Variants in PCDHA5 observed in about 807,000 individuals in gnomAD.
PCDHA5 encodes the protein protocadherin alpha-5.
Under a neutral mutation model 61.6 loss-of-function variants are expected in PCDHA5, and 43 were observed. The observed-to-expected ratio is 0.70, with a 90% CI of 0.55 to 0.90. The LOEUF (loss-of-function observed/expected upper bound fraction) is 0.90. Among genes scored for constraint, PCDHA5 ranks in the 40% least tolerant of loss-of-function variants. The pLI, the probability that PCDHA5 is intolerant of heterozygous loss-of-function variation, is 0.00. For synonymous variants in PCDHA5, 627 were observed against 543.9 expected, an observed-to-expected ratio of 1.15 and a Z score of -2.13; for missense variants, 1,298 against 1,222.7, an observed-to-expected ratio of 1.06 and a Z score of -0.92.
chr5:140,926,351 C>T (rs1301072681), intron 1 of PCDHA5: 2 of 152,276 alleles, frequency 1.3e-5, no homozygotes, highest in African/African-American at 4.8e-5. Flanking sequence ...CGACGCGCGG[C>T]TCCCAAAGGG....
intron 1 of PCDHA5, among the ~76,000 whole-genome samples, chr5:140,890,239 C>G (rs1398307605): frequency 6.6e-6 from 1 of 151,982 alleles, no homozygotes; most frequent in African/African-American, 2.4e-5. Context: ...AAGCATTTAC[C>G]AGTACACTAC....
At chr5:140,977,094 T>C (rs1291290436) in intron 1 of PCDHA5, among the ~76,000 whole-genome samples, 1 of 152,206 alleles carries the variant, frequency 6.6e-6, no homozygotes, top group Non-Finnish European at 1.5e-5. Context: ...AATGTGTCAT[T>C]GGGGAAGTGA....
intron 1 of PCDHA5, chr5:140,843,413 G>C: frequency 1.3e-6 from 2 of 1,596,100 alleles, no homozygotes; most frequent in South Asian, 1.1e-5. Context: ...GGATGTCAAC[G>C]TGTACCTGAT....
intron 1 of PCDHA5, chr5:140,967,079 A>T: frequency 1.2e-6 from 2 of 1,613,252 alleles, no homozygotes; most frequent in South Asian, 2.2e-5. Flanking sequence ...CAACGAGCGC[A>T]TTGATCGGGA....
chr5:140,825,831 AT>A (rs1768728016), intron 1 of PCDHA5: 1 of 152,494 alleles, frequency 6.6e-6, no homozygotes, highest in Non-Finnish European at 1.5e-5. Context: ...GATTAAAAAA[AT>A]AAATATACCA....
intron 1 of PCDHA5, among the ~76,000 whole-genome samples, chr5:140,879,549 A>T (rs1345193552): frequency 2.0e-5 from 3 of 152,246 alleles, no homozygotes; most frequent in Admixed American, 6.5e-5. Context: ...AGAGAAAAAA[A>T]TAATCCATGA....
Position 140,837,615 on chromosome 5 carries a change from CCCTTCCTT to C in PCDHA5, c.2352+13501_2352+13508del, listed in dbSNP as rs528339826. On this transcript the variant is annotated intron_variant, in intron 1 of 3. Transcript: ENST00000529859. ...CCAATATATATATTTTATAATTTGCCCCTTCCTTCCTTCCTTCCTTTCTTTCTTTCTTT... is the reference window on the plus strand; with the variant it reads ...CCAATATATATATTTTATAATTTGCCCCTTCCTTCCTTTCTTTCTTTCTTT... 5.5e-5 allele frequency among the ~76,000 whole-genome samples: 8 copies of C among 145,806 alleles called. 2 individuals are homozygous for C. The highest frequency in any genetic ancestry group is 1.2e-4 in the Non-Finnish European group (8 of 66,858).
intron 1 of PCDHA5, chr5:140,853,993 T>A (rs2042933293): frequency 8.2e-6 from 4 of 486,194 alleles, no homozygotes; most frequent in Admixed American, 6.7e-5. Context: ...GTGAGACTCA[T>A]CTCTGCCAAA....
At chr5:140,958,104 T>C (rs1554223331) in intron 1 of PCDHA5, among the ~76,000 whole-genome samples, 1 of 151,916 alleles carries the variant, frequency 6.6e-6, no homozygotes, top group Admixed American at 6.6e-5. Flanking sequence ...GTGTGTAGAG[T>C]GTGGTTCCAT....
At chr5:140,920,859 C>T in intron 1 of PCDHA5, among the ~76,000 whole-genome samples, 1 of 142,452 alleles carries the variant, frequency 7.0e-6, no homozygotes, top group African/African-American at 2.6e-5. Flanking sequence ...AAAAAAAAAA[C>T]AAACAAACTG....
intron 1 of PCDHA5, chr5:140,831,345 A>G (rs1554133179): frequency 1.4e-5 from 2 of 142,358 alleles, no homozygotes; most frequent in African/African-American, 5.3e-5. Flanking sequence ...AGTAATTTAA[A>G]CTATTCACTA....
At chr5:140,933,833 A>C (rs944428844) in intron 1 of PCDHA5, among the ~76,000 whole-genome samples, 1 of 151,928 alleles carries the variant, frequency 6.6e-6, no homozygotes, top group Non-Finnish European at 1.5e-5. Flanking sequence ...TATTGCTCCT[A>C]TTTCATTCCT....
At chr5:140,830,335 G>C (rs1236321619) in intron 1 of PCDHA5, 10 of 1,613,956 alleles carry the variant, frequency 6.2e-6, no homozygotes, top group Non-Finnish European at 3.4e-6. Flanking sequence ...TGGGGAGCTG[G>C]TCGTACTCGC....
intron 3 of PCDHA5, among the ~76,000 whole-genome samples, chr5:140,997,836 A>G (rs1335199291): frequency 3.3e-5 from 5 of 152,222 alleles, no homozygotes; most frequent in South Asian, 4.1e-4. Flanking sequence ...AAACAATACA[A>G]TATACATTCT....
chr5:140,999,450 A>G (rs2097858332), intron 3 of PCDHA5, among the ~76,000 whole-genome samples: 1 of 152,198 alleles, frequency 6.6e-6, no homozygotes, highest in Admixed American at 6.5e-5. Flanking sequence ...TATTCGTTCA[A>G]CGAATAAGTG....
intron 1 of PCDHA5, 111 bp downstream of exon 1, chr5:140,824,238 T>G: frequency 1.3e-6 from 2 of 1,505,084 alleles, no homozygotes; most frequent in African/African-American, 1.4e-5. Flanking sequence ...ACACAAATAT[T>G]GTGGTACACA....
At chr5:140,987,565 T>C (rs1407426548) in intron 3 of PCDHA5, among the ~76,000 whole-genome samples, 1 of 152,344 alleles carries the variant, frequency 6.6e-6, no homozygotes, top group East Asian at 1.9e-4. Flanking sequence ...TCTCAGTTTC[T>C]TTCTCTATAA....
At position 140,877,217 on chromosome 5, in the gene PCDHA5, C is replaced by T. The variant is rs571871387; in HGVS notation, c.2352+53090C>T. ...GGAGGCGCAGTTAGCGAGTTGGTAC[C>T]GCGGTCGGTGGGTGCGGGCCACGTG... On this transcript the variant is annotated intron_variant, in intron 1 of 3. Coordinates refer to ENST00000529859, the MANE Select transcript of PCDHA5 (RefSeq NM_018908.3). 144 of 1,613,624 alleles carry T rather than the reference C, an allele frequency of 8.9e-5. No individual in the cohort carries two copies. Among genetic ancestry groups the T allele is most frequent in the Non-Finnish European group, 1.2e-4 (138 of 1,179,784 alleles).
intron 1 of PCDHA5, chr5:140,861,416 C>A (rs1053647411): frequency 8.4e-6 from 4 of 476,934 alleles, no homozygotes; most frequent in African/African-American, 6.0e-5. Context: ...TGATACCGCG[C>A]CTGTTTCAGT....
Sources: gnomAD v4.1 joint callset for allele counts (sites outside exome capture counted in the v4.1 genomes callset) on GRCh38, gnomAD v4.1.1 for gene constraint, MANE v1.5 for transcripts, NCBI Gene and HGNC (gene_info 2026-07-23, HGNC 2026-07-21) for gene names.